TRIM33: variants seen among roughly 807,000 people sequenced by gnomAD.
TRIM33 encodes tripartite motif containing 33.
Under a neutral mutation model 125.4 loss-of-function variants are expected in TRIM33, and 20 were observed. That is an observed-to-expected ratio of 0.16 (90% CI 0.11 to 0.23). The LOEUF (loss-of-function observed/expected upper bound fraction) is 0.23. Ranked by LOEUF, TRIM33 falls within the 10% of genes least tolerant of loss-of-function variation. The probability of loss-of-function intolerance (pLI) is 1.00; values close to 1 mark genes in which losing one functional copy is unlikely to be tolerated. For missense variants in TRIM33, 920 were observed against 1,411.4 expected (o/e 0.65, Z 5.58); for synonymous variants, 564 against 513.9 (o/e 1.10, Z -1.32).
chr1:114,488,859 C>G (rs1207028240), intron 1 of TRIM33, among the ~76,000 whole-genome samples: 1 of 152,194 alleles, frequency 6.6e-6, no homozygotes, highest in Non-Finnish European at 1.5e-5. Flanking sequence ...AAGAACCCAT[C>G]TCTACAAAAA....
intron 9 of TRIM33, 67 bp downstream of exon 9, chr1:114,425,382 T>A: frequency 1.3e-6 from 2 of 1,557,206 alleles, no homozygotes; most frequent in South Asian, 1.2e-5. Context: ...AACTTAATTA[T>A]ATAGGAAAAA....
Position 114,424,600 on chromosome 1 carries a change from G to T in TRIM33, c.1851C>A (p.Leu617=), listed in dbSNP as rs142322248. The T allele has an allele frequency of 1.3e-6, 2 of 1,580,022 alleles. No homozygotes were observed. The highest frequency in any genetic ancestry group is 1.7e-6 in the Non-Finnish European group (2 of 1,167,194). Residue 617 remains leucine (L), a synonymous_variant, in exon 10 of 20, where the codon CTC becomes CTA. Transcript: ENST00000358465. ...GTAACTCTAGGCATACTTGTCTTTG[G>T]AGGTGTGGCTGCATCATGGAATATT... ...GPQYSMMQPH[L]QRQHSNPGHA... is the part of the protein sequence containing the mutation.
chr1:114,488,740 G>A (rs79744310), intron 1 of TRIM33, among the ~76,000 whole-genome samples: 4,008 of 152,176 alleles, frequency 0.026, 92 homozygotes, highest in Non-Finnish European at 0.034. Context: ...TCCAACCTGG[G>A]CAACAGAGCA....
intron 4 of TRIM33, among the ~76,000 whole-genome samples, chr1:114,462,547 C>A (rs1354551108): frequency 1.3e-5 from 2 of 152,172 alleles, no homozygotes; most frequent in Non-Finnish European, 2.9e-5. Flanking sequence ...TGTTACACAA[C>A]TGACTAGAAA....
chr1:114,507,409 G>T (rs890685723), intron 1 of TRIM33, among the ~76,000 whole-genome samples: 12 of 152,118 alleles, frequency 7.9e-5, no homozygotes, highest in Admixed American at 7.2e-4. Flanking sequence ...TGTATTAAGA[G>T]AAACAGGAAA....
intron 4 of TRIM33, among the ~76,000 whole-genome samples, chr1:114,461,246 ATATT>A (rs1649971595): frequency 6.9e-6 from 1 of 145,232 alleles, no homozygotes; most frequent in African/African-American, 2.5e-5. Context: ...ACATATATTT[ATATT>A]TTATATTTTA....
intron 8 of TRIM33, among the ~76,000 whole-genome samples, 182 bp downstream of exon 8, chr1:114,426,995 T>TG: frequency 6.6e-6 from 1 of 152,312 alleles, no homozygotes; most frequent in East Asian, 1.9e-4. Flanking sequence ...TTTCTTAAGA[T>TG]GTAATAACAG....
At chr1:114,506,206 A>C (rs922962047) in intron 1 of TRIM33, among the ~76,000 whole-genome samples, 1 of 151,818 alleles carries the variant, frequency 6.6e-6, no homozygotes, top group African/African-American at 2.4e-5. Flanking sequence ...ACATGACAAG[A>C]CCCTGTCTCT....
intron 15 of TRIM33, chr1:114,405,154 T>G: frequency 3.0e-6 from 1 of 331,472 alleles, no homozygotes; most frequent in Non-Finnish European, 5.4e-6. Context: ...TAATTTAGAG[T>G]TTTATCTATT....
At chr1:114,443,385 A>AAATGAATGAATGAATGAATGAATG (rs372157103) in intron 4 of TRIM33, among the ~76,000 whole-genome samples, 4 of 149,860 alleles carry the variant, frequency 2.7e-5, no homozygotes, top group African/African-American at 1.0e-4. Context: ...CTCCATCTCA[A>AAATGAATGAATGAATGAATGAATG]AATGAATGAA....
At chr1:114,468,374 A>G (rs1650432535) in intron 1 of TRIM33, 1 of 310,780 alleles carries the variant, frequency 3.2e-6, no homozygotes, top group Admixed American at 4.9e-5. Flanking sequence ...AATCAGCAGC[A>G]GCAGTCCTTT....
intron 1 of TRIM33, among the ~76,000 whole-genome samples, chr1:114,486,398 G>A (rs1175704728): frequency 1.3e-5 from 2 of 151,932 alleles, no homozygotes; most frequent in Admixed American, 6.6e-5. Flanking sequence ...GAGACGGGCA[G>A]ATAACTTGAG....
intron 5 of TRIM33, 95 bp from the exon 6 acceptor site, chr1:114,431,007 G>A (rs977358617): frequency 1.9e-5 from 14 of 756,600 alleles, no homozygotes; most frequent in Admixed American, 7.5e-5. Flanking sequence ...GCACTTAACC[G>A]AGTAATTAAA....
chr1:114,402,923 G>A, intron 15 of TRIM33, 40 bp from the exon 16 acceptor site: 1 of 1,569,876 alleles, frequency 6.4e-7, no homozygotes, highest in South Asian at 1.2e-5. Flanking sequence ...GTAATTATAA[G>A]AAAGCCTGCT....
chr1:114,464,470 TC>T, intron 1 of TRIM33, 82 bp from the exon 2 acceptor site: 1 of 758,702 alleles, frequency 1.3e-6, no homozygotes, highest in Non-Finnish European at 2.1e-6. Flanking sequence ...AAACATTAAT[TC>T]ATCACAGAGA....
chr1:114,467,603 A>G (rs927079589), intron 1 of TRIM33, among the ~76,000 whole-genome samples: 1 of 152,184 alleles, frequency 6.6e-6, no homozygotes, highest in African/African-American at 2.4e-5. Flanking sequence ...TCAACTGCAA[A>G]CCACAGGAAG....
rs774129236 is a variant in TRIM33 at position 114,397,499 on chromosome 1, T to C, written c.*149A>G. On this transcript the variant is annotated 3_prime_UTR_variant, in exon 20 of 20. Transcript: ENST00000358465. ...GTTTCTGTCCATTATTTCAATCTAA[T>C]ACTGTGTAAAAGCTATCAGCTTCTT... 4 of 622,808 alleles carry C rather than the reference T, an allele frequency of 6.4e-6. No homozygotes were observed. The African/African-American group carries it at 7.4e-5, about 12-fold the overall frequency. The allele number at this position is 622,808 out of a possible 1,614,324, so 38.6% of individuals were successfully genotyped here.
At chr1:114,487,464 C>CA (rs1480421769) in intron 1 of TRIM33, among the ~76,000 whole-genome samples, 6 of 151,390 alleles carry the variant, frequency 4.0e-5, no homozygotes, top group African/African-American at 1.5e-4. Context: ...AAGATATTCT[C>CA]AGATGAAAAA....
intron 1 of TRIM33, among the ~76,000 whole-genome samples, chr1:114,479,664 TAACA>T (rs1651183175): frequency 6.6e-6 from 1 of 152,200 alleles, no homozygotes; most frequent in African/African-American, 2.4e-5. Context: ...TATATAAATG[TAACA>T]ATCATGACTA....
Sources: gnomAD v4.1 joint callset for allele counts (sites outside exome capture counted in the v4.1 genomes callset) on GRCh38, gnomAD v4.1.1 for gene constraint, MANE v1.5 for transcripts, NCBI Gene and HGNC (gene_info 2026-07-23, HGNC 2026-07-21) for gene names.